Variants in DOCK3 observed in about 807,000 individuals in gnomAD.
The protein encoded by DOCK3 is dedicator of cytokinesis protein 3.
Under a neutral mutation model 265.6 loss-of-function variants are expected in DOCK3, and 60 were observed. The ratio of observed to expected loss-of-function variants is 0.23; its 90% CI spans 0.18 to 0.28. DOCK3 has a LOEUF of 0.28. Among genes scored for constraint, DOCK3 ranks in the 10% least tolerant of loss-of-function variants. The pLI is 1.00. For missense variants in DOCK3, 1,981 were observed against 2,594.3 expected (o/e 0.76, Z 5.14); for synonymous variants, 881 against 938.0 (o/e 0.94, Z 1.11).
At chr3:51,177,603 A>G (rs2087028483) in intron 12 of DOCK3, among the ~76,000 whole-genome samples, 1 of 152,262 alleles carries the variant, frequency 6.6e-6, no homozygotes, top group South Asian at 2.1e-4. Flanking sequence ...GTAAAATAGC[A>G]TTTAAAAATC....
At chr3:50,878,812 A>G (rs556515432) in intron 3 of DOCK3, among the ~76,000 whole-genome samples, 2 of 152,336 alleles carry the variant, frequency 1.3e-5, no homozygotes, top group East Asian at 1.9e-4. Context: ...GAGCAACTCC[A>G]TGACACATAA....
chr3:50,838,264 T>C (rs1000145558), intron 2 of DOCK3, among the ~76,000 whole-genome samples: 12 of 152,170 alleles, frequency 7.9e-5, no homozygotes, highest in Admixed American at 4.6e-4. Context: ...TTGGAGGCAA[T>C]ACAACAGCAT....
chr3:50,909,067 G>A (rs1481814852), intron 4 of DOCK3, among the ~76,000 whole-genome samples: 1 of 151,694 alleles, frequency 6.6e-6, no homozygotes, highest in Admixed American at 6.6e-5. Context: ...CATTTGCTTG[G>A]TAAATTTTCC....
intron 1 of DOCK3, among the ~76,000 whole-genome samples, chr3:50,689,398 G>A (rs558900608): frequency 1.3e-5 from 2 of 152,292 alleles, no homozygotes; most frequent in East Asian, 1.9e-4. Context: ...AAGCAAACAT[G>A]TCCTTCTTCA....
chr3:51,025,164 C>T (rs539738938), intron 5 of DOCK3, among the ~76,000 whole-genome samples: 1 of 152,188 alleles, frequency 6.6e-6, no homozygotes. Context: ...TATTAAGTTA[C>T]CAGGGCAGGT....
At chr3:51,258,328 A>G (rs1268416122) in intron 22 of DOCK3, among the ~76,000 whole-genome samples, 5 of 152,180 alleles carry the variant, frequency 3.3e-5, no homozygotes, top group Non-Finnish European at 5.9e-5. Flanking sequence ...TCCTGTCTTT[A>G]CTTCCAGTGC....
chr3:51,025,646 A>T (rs575707030), intron 5 of DOCK3, among the ~76,000 whole-genome samples: 1 of 152,140 alleles, frequency 6.6e-6, no homozygotes. Context: ...TCTTGAGATT[A>T]TATCACAAAA....
At chr3:50,714,523 C>T (rs771561523) in intron 1 of DOCK3, among the ~76,000 whole-genome samples, 3 of 152,018 alleles carry the variant, frequency 2.0e-5, no homozygotes, top group Non-Finnish European at 4.4e-5. Context: ...TTCTGTTACC[C>T]GAGGCTGGAG....
chr3:51,161,105 T>C (rs2086112141), intron 12 of DOCK3, among the ~76,000 whole-genome samples: 1 of 147,016 alleles, frequency 6.8e-6, no homozygotes, highest in Non-Finnish European at 1.5e-5. Flanking sequence ...AAAAACACCT[T>C]GTGGACACAG....
chr3:51,271,945 TGGAG>T (rs1345820687), intron 24 of DOCK3, among the ~76,000 whole-genome samples: 1 of 152,074 alleles, frequency 6.6e-6, no homozygotes, highest in East Asian at 1.9e-4. Flanking sequence ...TTCCAGTCTT[TGGAG>T]AACCAACAAG....
At chr3:51,316,561 A>G (rs1371674505) in intron 32 of DOCK3, among the ~76,000 whole-genome samples, 1 of 152,246 alleles carries the variant, frequency 6.6e-6, no homozygotes. Flanking sequence ...TAAAATAGCT[A>G]TACCATTTTG....
At chr3:51,166,115 A>G (rs1199750115) in intron 12 of DOCK3, among the ~76,000 whole-genome samples, 3 of 150,724 alleles carry the variant, frequency 2.0e-5, no homozygotes, top group Middle Eastern at 3.2e-3. Context: ...CAATGGCGCA[A>G]TCTCAGCTCA....
In DOCK3 at chr3:50,675,968, A is replaced by C. The variant is rs1279283406; in HGVS notation, c.37+668A>C. ...AATGTTGTAAGTGTTAAACTCCAGA[A>C]GCTAAATAATTCTTACAATATTCAA... On this transcript the variant is annotated intron_variant, in intron 1 of 52. Coordinates refer to ENST00000266037, the MANE Select transcript of DOCK3 (RefSeq NM_004947.5). The surrounding 1 kb of genome is among the most constrained non-coding windows in gnomAD (Gnocchi z 6.1). 6.6e-6 allele frequency among the ~76,000 whole-genome samples: 1 copy of C among 152,168 alleles called. No individual in the cohort carries two copies. Among genetic ancestry groups the C allele is most frequent in the African/African-American group, 2.4e-5 (1 of 41,432 alleles).
chr3:51,378,826 A>G (rs980119493), intron 51 of DOCK3, among the ~76,000 whole-genome samples: 35 of 152,020 alleles, frequency 2.3e-4, no homozygotes, highest in African/African-American at 6.8e-4. Flanking sequence ...ACAGAAGGGC[A>G]CTCTGTGCTT....
chr3:50,716,909 A>G (rs1042597507), intron 1 of DOCK3, among the ~76,000 whole-genome samples: 3 of 151,926 alleles, frequency 2.0e-5, no homozygotes, highest in African/African-American at 7.3e-5. Flanking sequence ...TTCCTTATAT[A>G]TTTTTCTGGA....
At chr3:51,272,455 T>C (rs2108893984) in intron 24 of DOCK3, among the ~76,000 whole-genome samples, 1 of 149,574 alleles carries the variant, frequency 6.7e-6, no homozygotes, top group Admixed American at 6.6e-5. Flanking sequence ...TTTTTTTTTT[T>C]TTTTTGTATT....
At chr3:50,868,078 C>CT (rs71633039) in intron 3 of DOCK3, among the ~76,000 whole-genome samples, 12,303 of 141,166 alleles carry the variant, frequency 0.087, 620 homozygotes, top group Admixed American at 0.11. Flanking sequence ...TGGGAGACTT[C>CT]TTTTTTTTTT....
chr3:50,924,981 ACTTTTTCTGATGC>A (rs1195152752), intron 4 of DOCK3, among the ~76,000 whole-genome samples: 1 of 152,194 alleles, frequency 6.6e-6, no homozygotes, highest in African/African-American at 2.4e-5. Context: ...AGAAGGAGGG[ACTTTTTCTGATGC>A]CAAAAGGAGG....
At chr3:51,109,342 C>T (rs1038452544) in intron 9 of DOCK3, among the ~76,000 whole-genome samples, 3 of 152,104 alleles carry the variant, frequency 2.0e-5, no homozygotes, top group Non-Finnish European at 4.4e-5. Context: ...AAAGATACAA[C>T]ATATGAGGAT....
Sources: allele counts gnomAD v4.1 joint callset (sites outside exome capture counted in the v4.1 genomes callset), GRCh38; gene constraint gnomAD v4.1.1; non-coding constraint Gnocchi (gnomAD v3.1); transcripts MANE v1.5; gene names NCBI Gene and HGNC (gene_info 2026-07-23, HGNC 2026-07-21).